GUCY1A2: variants seen among roughly 807,000 people sequenced by gnomAD.
The protein encoded by GUCY1A2 is guanylate cyclase soluble subunit alpha-2.
GUCY1A2 carries 27 observed loss-of-function variants against 63.5 expected under a neutral mutation model. That is an observed-to-expected ratio of 0.43 (90% CI 0.31 to 0.59). The LOEUF (loss-of-function observed/expected upper bound fraction) is 0.59. GUCY1A2 is among the 20% of genes least tolerant of loss of function. The probability of loss-of-function intolerance (pLI) is 0.11; values close to 1 mark genes in which losing one functional copy is unlikely to be tolerated. For synonymous variants in GUCY1A2, 364 were observed against 343.5 expected (o/e 1.06, Z -0.66); for missense variants, 768 against 913.3 (o/e 0.84, Z 2.05).
intron 4 of GUCY1A2, among the ~76,000 whole-genome samples, chr11:106,865,899 T>C (rs1859585682): frequency 6.6e-6 from 1 of 151,378 alleles, no homozygotes; most frequent in Non-Finnish European, 1.5e-5. Flanking sequence ...AATTTATATA[T>C]AATTATATAA....
intron 7 of GUCY1A2, among the ~76,000 whole-genome samples, chr11:106,707,685 C>G (rs1862940517): frequency 1.3e-5 from 2 of 151,898 alleles, no homozygotes; most frequent in African/African-American, 4.8e-5. Flanking sequence ...ATGAGCCAAA[C>G]TCATCATTAT....
intron 3 of GUCY1A2, among the ~76,000 whole-genome samples, chr11:106,962,832 A>G (rs1478148112): frequency 1.3e-5 from 2 of 150,670 alleles, no homozygotes; most frequent in East Asian, 3.9e-4. Context: ...AATGAACACC[A>G]TTTTTGAAAC....
chr11:106,866,558 G>A (rs145606492), intron 4 of GUCY1A2, among the ~76,000 whole-genome samples: 1 of 152,118 alleles, frequency 6.6e-6, no homozygotes, highest in Non-Finnish European at 1.5e-5. Context: ...CAGTTCCCAA[G>A]GTCATTCTGC....
intron 4 of GUCY1A2, among the ~76,000 whole-genome samples, chr11:106,870,214 C>T (rs1233829085): frequency 6.6e-6 from 1 of 151,696 alleles, no homozygotes; most frequent in Non-Finnish European, 1.5e-5. Flanking sequence ...CGTAACAAAC[C>T]CATACATTGT....
At chr11:106,744,782 A>G (rs1468492371) in intron 6 of GUCY1A2, among the ~76,000 whole-genome samples, 1 of 152,214 alleles carries the variant, frequency 6.6e-6, no homozygotes, top group Non-Finnish European at 1.5e-5. Context: ...ATTATGATCC[A>G]TATAAAAGCA....
intron 4 of GUCY1A2, among the ~76,000 whole-genome samples, chr11:106,894,872 C>T (rs12362566): frequency 0.12 from 18,431 of 151,910 alleles, 1,316 homozygotes; most frequent in African/African-American, 0.19. Flanking sequence ...AAAATTAAAT[C>T]CAAAGTCGGC....
intron 6 of GUCY1A2, among the ~76,000 whole-genome samples, chr11:106,761,078 T>G (rs954291879): frequency 1.3e-5 from 2 of 152,174 alleles, no homozygotes; most frequent in Non-Finnish European, 2.9e-5. Context: ...TGATGAACAA[T>G]TGCCAGAAAA....
chr11:106,913,124 GATAT>G (rs34248768), intron 4 of GUCY1A2, among the ~76,000 whole-genome samples: 21,102 of 147,264 alleles, frequency 0.14, 1,577 homozygotes, highest in South Asian at 0.29. Flanking sequence ...TTTTTCAAAA[GATAT>G]ATATATATAT....
intron 3 of GUCY1A2, among the ~76,000 whole-genome samples, chr11:106,969,541 T>C (rs1432758513): frequency 6.6e-6 from 1 of 151,918 alleles, no homozygotes; most frequent in Non-Finnish European, 1.5e-5. Flanking sequence ...GTATGCTCAC[T>C]TGAGCTAAAA....
chr11:106,983,097 A>T (rs921918426), intron 2 of GUCY1A2, among the ~76,000 whole-genome samples: 3 of 152,180 alleles, frequency 2.0e-5, no homozygotes, highest in African/African-American at 7.2e-5. Flanking sequence ...GGTTTCACAT[A>T]AGAAGGTGGC....
chr11:106,776,706 T>A, intron 5 of GUCY1A2, 124 bp from the exon 6 acceptor site: 1 of 841,310 alleles, frequency 1.2e-6, no homozygotes, highest in Non-Finnish European at 1.9e-6. Context: ...AATTAAGCAA[T>A]TAGACTACTG....
Position 106,686,784 on chromosome 11 carries a change from C to T in GUCY1A2, c.*765G>A, listed in dbSNP as rs1272800883. 5.0e-6 allele frequency: 1 copy of T among 199,686 alleles called. No homozygotes were observed. Among genetic ancestry groups the T allele is most frequent in the African/African-American group, 2.3e-5 (1 of 43,496 alleles). 12.4% of individuals were successfully genotyped at this position (199,686 alleles called of 1,614,324 possible). ...AATTCCATTTCCTCTGGATTCCATG[C>T]TACATTAGTTAAATCTAAAAGATAT... On this transcript the variant is annotated 3_prime_UTR_variant, in exon 8 of 8. Coordinates refer to ENST00000526355, the MANE Select transcript of GUCY1A2 (RefSeq NM_000855.3).
At chr11:106,816,618 A>G (rs1433089221) in intron 4 of GUCY1A2, among the ~76,000 whole-genome samples, 1 of 151,680 alleles carries the variant, frequency 6.6e-6, no homozygotes, top group Non-Finnish European at 1.5e-5. Flanking sequence ...GAGGTAATCA[A>G]TGAAATTACA....
intron 3 of GUCY1A2, among the ~76,000 whole-genome samples, chr11:106,966,548 T>C (rs138999498): frequency 1.8e-4 from 27 of 152,290 alleles, no homozygotes; most frequent in African/African-American, 4.1e-4. Flanking sequence ...TACCCAAAAA[T>C]ACAAAATATT....
At chr11:106,763,409 T>C (rs376677713) in intron 6 of GUCY1A2, among the ~76,000 whole-genome samples, 1 of 151,932 alleles carries the variant, frequency 6.6e-6, no homozygotes, top group South Asian at 2.1e-4. Flanking sequence ...GAAAACAACA[T>C]TAAATCTGTT....
intron 6 of GUCY1A2, among the ~76,000 whole-genome samples, chr11:106,775,099 T>C (rs1864332117): frequency 6.6e-6 from 1 of 152,168 alleles, no homozygotes; most frequent in African/African-American, 2.4e-5. Context: ...TCTTTTTTAT[T>C]ACTCGTTTTA....
intron 3 of GUCY1A2, among the ~76,000 whole-genome samples, chr11:106,974,553 T>C (rs1011475445): frequency 9.9e-5 from 15 of 152,034 alleles, no homozygotes; most frequent in African/African-American, 3.6e-4. Context: ...CAGCTAAAGA[T>C]TGTGGAATCA....
At chr11:106,996,966 A>G (rs1397183060) in intron 1 of GUCY1A2, among the ~76,000 whole-genome samples, 1 of 152,204 alleles carries the variant, frequency 6.6e-6, no homozygotes. Flanking sequence ...ATGATGCACT[A>G]GATTCCTAAG....
intron 4 of GUCY1A2, among the ~76,000 whole-genome samples, chr11:106,855,867 T>A (rs928746294): frequency 2.7e-4 from 41 of 151,090 alleles, no homozygotes; most frequent in African/African-American, 9.9e-4. Flanking sequence ...AGTTCAAGGG[T>A]GTTTTATCTG....
Sources: allele counts gnomAD v4.1 joint callset (sites outside exome capture counted in the v4.1 genomes callset), GRCh38; gene constraint gnomAD v4.1.1; transcripts MANE v1.5; gene names NCBI Gene and HGNC (gene_info 2026-07-23, HGNC 2026-07-21).